NTRK3: variants seen among roughly 807,000 people sequenced by gnomAD.
NTRK3 encodes neurotrophic receptor tyrosine kinase 3.
Under a neutral mutation model 91.7 loss-of-function variants are expected in NTRK3, and 24 were observed. The observed-to-expected ratio is 0.26, with a 90% CI of 0.19 to 0.37. The LOEUF (loss-of-function observed/expected upper bound fraction) is 0.37. Ranked by LOEUF, NTRK3 falls within the 10% of genes least tolerant of loss-of-function variation. The pLI is 1.00. For synonymous variants in NTRK3, 483 were observed against 404.0 expected, an observed-to-expected ratio of 1.20 and a Z score of -2.34; for missense variants, 880 against 1,068.9, an observed-to-expected ratio of 0.82 and a Z score of 2.46.
chr15:88,106,547 G>C (rs1403102735), intron 13 of NTRK3, among the ~76,000 whole-genome samples: 1 of 152,192 alleles, frequency 6.6e-6, no homozygotes, highest in African/African-American at 2.4e-5. Context: ...GACACGGAAG[G>C]ATGCTTAAGA....
At chr15:88,006,580 G>A (rs1380517548) in intron 14 of NTRK3, among the ~76,000 whole-genome samples, 1 of 152,206 alleles carries the variant, frequency 6.6e-6, no homozygotes, top group Non-Finnish European at 1.5e-5. Flanking sequence ...GTGGCTTCAG[G>A]TGGAAATAAG....
intron 3 of NTRK3, among the ~76,000 whole-genome samples, chr15:88,245,912 G>T (rs1319730596): frequency 6.6e-6 from 1 of 152,198 alleles, no homozygotes; most frequent in African/African-American, 2.4e-5. Context: ...CAGTAGAAGG[G>T]ATAATGTCAG....
chr15:88,135,982 C>G, exon 9 of NTRK3: 6 of 1,614,228 alleles, frequency 3.7e-6, no homozygotes, highest in Non-Finnish European at 5.1e-6. Context: ...ATTGTCCTCA[C>G]TCGTCACATT....
intron 15 of NTRK3, among the ~76,000 whole-genome samples, chr15:87,934,684 G>C (rs2069113389): frequency 6.6e-6 from 1 of 152,078 alleles, no homozygotes. Flanking sequence ...ACTCCTACCT[G>C]CTCATTTCTG....
chr15:87,925,964 C>T (rs2141879012), intron 17 of NTRK3, among the ~76,000 whole-genome samples: 2 of 152,306 alleles, frequency 1.3e-5, no homozygotes, highest in Middle Eastern at 3.4e-3. Flanking sequence ...AAGTATTGTA[C>T]TACAAGCTCT....
At chr15:88,154,946 C>G (rs907756439) in intron 5 of NTRK3, among the ~76,000 whole-genome samples, 1 of 152,184 alleles carries the variant, frequency 6.6e-6, no homozygotes, top group African/African-American at 2.4e-5. Flanking sequence ...ACATAACATC[C>G]TTAGAGAAAT....
At chr15:88,064,701 G>A (rs1256971405) in intron 13 of NTRK3, among the ~76,000 whole-genome samples, 1 of 152,154 alleles carries the variant, frequency 6.6e-6, no homozygotes, top group African/African-American at 2.4e-5. Flanking sequence ...ACAGAACCAA[G>A]GAGCTTTCAA....
chr15:88,253,643 G>A (rs2053673294), intron 3 of NTRK3, among the ~76,000 whole-genome samples: 1 of 152,206 alleles, frequency 6.6e-6, no homozygotes, highest in South Asian at 2.1e-4. Flanking sequence ...TCCCCCACCT[G>A]CCACTGGCAC....
chr15:88,099,888 T>C (rs901318419), intron 13 of NTRK3, among the ~76,000 whole-genome samples: 8 of 152,152 alleles, frequency 5.3e-5, no homozygotes, highest in Non-Finnish European at 1.0e-4. Context: ...CACACACATC[T>C]ACTGAAAAGG....
In NTRK3 at chr15:88,034,002, C is replaced by T. The variant is rs150877028; in HGVS notation, c.1397-957G>A. On this transcript the variant is annotated intron_variant, in intron 13 of 18. Coordinates refer to ENST00000394480, the Ensembl canonical transcript of NTRK3. ...GCTGGACATCAGATTGTGAGAGCTC[C>T]CCAGGTGAGTCCCATTTACAATCAG... Among the ~76,000 whole-genome samples the T allele has an allele frequency of 6.7e-4, 102 of 152,028 alleles. 1 individual carries two copies. The highest frequency in any genetic ancestry group is 2.2e-3 in the African/African-American group (93 of 41,450).
At chr15:87,891,120 T>C (rs1424890642) in intron 17 of NTRK3, among the ~76,000 whole-genome samples, 1 of 152,150 alleles carries the variant, frequency 6.6e-6, no homozygotes, top group African/African-American at 2.4e-5. Flanking sequence ...TACAGTATAT[T>C]AGAGAGAGTT....
In NTRK3 at chr15:87,919,044, C is replaced by G. The variant is rs142242455; in HGVS notation, c.2133+10147G>C. Among the ~76,000 whole-genome samples the G allele has an allele frequency of 3.9e-5, 6 of 152,290 alleles. No individual in the cohort carries two copies. The East Asian group carries it at 1.2e-3, about 29-fold the overall frequency. ...TTGAGTACATCCCACAAACTCTCAA[C>G]CTAGTTTCCATGCAGTGGCAGACAA... is the stretch of plus-strand genomic sequence containing the variant. On this transcript the variant is annotated intron_variant, in intron 17 of 18. Transcript: ENST00000394480.
At chr15:87,965,036 G>T (rs1168277828) in intron 14 of NTRK3, among the ~76,000 whole-genome samples, 1 of 152,126 alleles carries the variant, frequency 6.6e-6, no homozygotes, top group African/African-American at 2.4e-5. Flanking sequence ...CATTGCAAAA[G>T]ATCAGTTAAA....
At chr15:87,904,742 A>T (rs1186805152) in intron 17 of NTRK3, among the ~76,000 whole-genome samples, 2 of 152,210 alleles carry the variant, frequency 1.3e-5, no homozygotes, top group Non-Finnish European at 2.9e-5. Context: ...AAGAATGACT[A>T]TCCTTGTCAG....
At chr15:88,016,012 C>A (rs1255457648) in intron 14 of NTRK3, among the ~76,000 whole-genome samples, 1 of 151,414 alleles carries the variant, frequency 6.6e-6, no homozygotes, top group African/African-American at 2.4e-5. Context: ...AGAATATGAT[C>A]TCATTTGTGT....
chr15:88,004,347 GC>G (rs1397682102), intron 14 of NTRK3, among the ~76,000 whole-genome samples: 1 of 152,148 alleles, frequency 6.6e-6, no homozygotes, highest in Non-Finnish European at 1.5e-5. Context: ...TTTTGCATGT[GC>G]TGTAAACAAG....
At chr15:88,093,569 G>A (rs1187164896) in intron 13 of NTRK3, among the ~76,000 whole-genome samples, 1 of 152,168 alleles carries the variant, frequency 6.6e-6, no homozygotes, top group Admixed American at 6.5e-5. Context: ...GACAGGCTCT[G>A]TCTTCATCTC....
chr15:88,143,059 A>C (rs1242386193), intron 6 of NTRK3, among the ~76,000 whole-genome samples: 1 of 151,342 alleles, frequency 6.6e-6, no homozygotes, highest in African/African-American at 2.4e-5. Flanking sequence ...TACTAAAAAT[A>C]CAAAAAAAAA....
intron 17 of NTRK3, 81 bp from the exon 19 acceptor site, chr15:87,880,509 G>A (rs2065181270): frequency 1.4e-6 from 2 of 1,457,040 alleles, no homozygotes; most frequent in Admixed American, 1.9e-5. Context: ...TTCACACATA[G>A]ATGCACTCTT....
Sources: gnomAD v4.1 joint callset for allele counts (sites outside exome capture counted in the v4.1 genomes callset) on GRCh38, gnomAD v4.1.1 for gene constraint, MANE v1.5 for transcripts, NCBI Gene and HGNC (gene_info 2026-07-23, HGNC 2026-07-21) for gene names.